Variants in SLC39A11 observed in about 807,000 individuals in gnomAD.
The protein encoded by SLC39A11 is zinc transporter ZIP11.
A neutral mutation model predicts 36.1 loss-of-function variants in SLC39A11; 33 were observed. That is an observed-to-expected ratio of 0.91 (90% confidence interval 0.69 to 1.22). The LOEUF is 1.22. SLC39A11 is among the 50% of genes most tolerant of loss of function. The pLI, the probability that SLC39A11 is intolerant of heterozygous loss-of-function variation, is 0.00. For synonymous variants in SLC39A11, 166 were observed against 170.3 expected (o/e 0.97, Z 0.20); for missense variants, 432 against 430.3 (o/e 1.00, Z -0.03).
At chr17:72,936,391 G>A (rs570145403) in intron 5 of SLC39A11, among the ~76,000 whole-genome samples, 55 of 119,698 alleles carry the variant, frequency 4.6e-4, no homozygotes, top group Non-Finnish European at 7.7e-4. Flanking sequence ...GGTTATGGCA[G>A]TATCTCATCT....
intron 4 of SLC39A11, among the ~76,000 whole-genome samples, chr17:73,019,018 T>C (rs571495915): frequency 1.1e-4 from 16 of 152,154 alleles, no homozygotes; most frequent in Non-Finnish European, 1.8e-4. Flanking sequence ...CAGAGGACCT[T>C]AGAATCTCAT....
chr17:72,951,872 C>T (rs1399981440), intron 4 of SLC39A11, among the ~76,000 whole-genome samples: 1 of 152,180 alleles, frequency 6.6e-6, no homozygotes, highest in Non-Finnish European at 1.5e-5. Flanking sequence ...TGCTCAAACA[C>T]TGACTCCCTC....
intron 5 of SLC39A11, among the ~76,000 whole-genome samples, chr17:72,942,672 A>AT (rs1251195689): frequency 6.6e-6 from 1 of 152,240 alleles, no homozygotes; most frequent in Non-Finnish European, 1.5e-5. Context: ...AGCTGTTTAA[A>AT]TAAGTCATCT....
chr17:72,976,169 CAAAAAAAAAAA>C (rs71154939), intron 4 of SLC39A11, among the ~76,000 whole-genome samples: 6 of 68,376 alleles, frequency 8.8e-5, no homozygotes, highest in African/African-American at 3.6e-4. Flanking sequence ...GACTCCATCT[CAAAAAAAAAAA>C]AAAAAAAAAA....
At chr17:72,746,433 T>C (rs936063534) in intron 6 of SLC39A11, among the ~76,000 whole-genome samples, 5 of 146,602 alleles carry the variant, frequency 3.4e-5, no homozygotes, top group Admixed American at 7.0e-5. Flanking sequence ...CTGGGCAACA[T>C]AGCAAGACCC....
intron 4 of SLC39A11, among the ~76,000 whole-genome samples, chr17:73,003,594 G>A (rs1328517877): frequency 6.6e-6 from 1 of 152,124 alleles, no homozygotes. Flanking sequence ...AAAGCAATCT[G>A]AGTCTACATG....
At chr17:73,072,002 C>T (rs1218652159) in intron 3 of SLC39A11, among the ~76,000 whole-genome samples, 2 of 152,208 alleles carry the variant, frequency 1.3e-5, no homozygotes, top group Non-Finnish European at 2.9e-5. Context: ...AATGAGCCGA[C>T]TACCCTAAAG....
intron 5 of SLC39A11, among the ~76,000 whole-genome samples, chr17:72,912,565 G>A (rs2083078239): frequency 2.4e-5 from 2 of 83,774 alleles, no homozygotes; most frequent in South Asian, 7.6e-4. Context: ...CTCCCAAAGA[G>A]CTGGGAGCCT....
chr17:72,936,617 A>G (rs2084780534), intron 5 of SLC39A11, among the ~76,000 whole-genome samples: 1 of 152,038 alleles, frequency 6.6e-6, no homozygotes. Flanking sequence ...CTCTGCCTCT[A>G]AAGACATGGA....
chr17:72,748,540 C>T (rs756522036), intron 6 of SLC39A11, among the ~76,000 whole-genome samples: 11 of 152,136 alleles, frequency 7.2e-5, no homozygotes, highest in Non-Finnish European at 1.5e-4. Context: ...TCATGGCTGC[C>T]GACTTAGAGT....
At chr17:73,030,314 A>C in intron 4 of SLC39A11, among the ~76,000 whole-genome samples, 1 of 152,202 alleles carries the variant, frequency 6.6e-6, no homozygotes, top group East Asian at 1.9e-4. Flanking sequence ...CATCACATTC[A>C]GCTGTCTGAT....
intron 4 of SLC39A11, among the ~76,000 whole-genome samples, chr17:72,955,966 C>A (rs766934972): frequency 1.3e-5 from 2 of 152,108 alleles, no homozygotes; most frequent in Non-Finnish European, 2.9e-5. Context: ...ATCAGCCCTG[C>A]GACCACATGA....
intron 6 of SLC39A11, among the ~76,000 whole-genome samples, chr17:72,739,969 T>C (rs2074603363): frequency 6.6e-6 from 1 of 151,840 alleles, no homozygotes; most frequent in Non-Finnish European, 1.5e-5. Flanking sequence ...ATATATATTA[T>C]ATACAGTATT....
rs923326581 is a variant in SLC39A11, at chr17:72,746,671, G to A, written c.602-9952C>T. ...GATAATGGTGTGAACCCAGGAGGCG[G>A]AGCTTGCAGTGAGCTGAGATCACAC... is the stretch of plus-strand genomic sequence containing the variant. On this transcript the variant is annotated intron_variant, in intron 6 of 9. Coordinates refer to ENST00000255559, the MANE Select transcript of SLC39A11 (RefSeq NM_139177.4). Among the ~76,000 whole-genome samples the A allele has an allele frequency of 3.9e-5, 6 of 152,282 alleles. No homozygotes were observed. The East Asian group carries it at 7.7e-4, about 20-fold the overall frequency.
At chr17:72,962,531 G>T (rs2086680446) in intron 4 of SLC39A11, among the ~76,000 whole-genome samples, 2 of 151,986 alleles carry the variant, frequency 1.3e-5, no homozygotes, top group South Asian at 2.1e-4. Flanking sequence ...GGTTTTGGGG[G>T]TTTTTTGCTA....
intron 4 of SLC39A11, among the ~76,000 whole-genome samples, chr17:72,961,502 T>C (rs1016327449): frequency 6.6e-6 from 1 of 151,328 alleles, no homozygotes; most frequent in Non-Finnish European, 1.5e-5. Flanking sequence ...TGTCCATCAA[T>C]GACAGACTGG....
intron 6 of SLC39A11, among the ~76,000 whole-genome samples, chr17:72,818,636 C>T: frequency 6.6e-6 from 1 of 152,004 alleles, no homozygotes; most frequent in East Asian, 1.9e-4. Flanking sequence ...TACTTAGGTC[C>T]CTGTGTCTAC....
chr17:73,020,691 T>TTTTTTC, intron 4 of SLC39A11, among the ~76,000 whole-genome samples: 1 of 136,194 alleles, frequency 7.3e-6, no homozygotes, highest in East Asian at 2.1e-4. Flanking sequence ...TTTTTTTTTT[T>TTTTTTC]TTTTTTTTTT....
At chr17:72,677,717 G>A (rs2071334936) in intron 7 of SLC39A11, among the ~76,000 whole-genome samples, 1 of 152,140 alleles carries the variant, frequency 6.6e-6, no homozygotes, top group African/African-American at 2.4e-5. Flanking sequence ...AACACTTGGG[G>A]TATTGGGAAA....
Sources: gnomAD v4.1 joint callset for allele counts (sites outside exome capture counted in the v4.1 genomes callset) on GRCh38, gnomAD v4.1.1 for gene constraint, MANE v1.5 for transcripts, NCBI Gene and HGNC (gene_info 2026-07-23, HGNC 2026-07-21) for gene names.